Variants in DAB1 observed in about 807,000 individuals in gnomAD.
The protein encoded by DAB1 is DAB adaptor protein 1, also known as disabled homolog 1.
A neutral mutation model predicts 64.6 loss-of-function variants in DAB1; 15 were observed. The ratio of observed to expected loss-of-function variants is 0.23; its 90% confidence interval spans 0.16 to 0.36. The LOEUF (loss-of-function observed/expected upper bound fraction) is 0.36, where lower values mean the gene tolerates loss of function less well. DAB1 is among the 10% of genes least tolerant of loss of function. DAB1 has a pLI of 1.00. For synonymous variants in DAB1, 235 were observed against 251.9 expected, an observed-to-expected ratio of 0.93 and a Z score of 0.64; for missense variants, 596 against 706.7, an observed-to-expected ratio of 0.84 and a Z score of 1.78.
intron 3 of DAB1, among the ~76,000 whole-genome samples, chr1:58,467,691 A>T (rs1645310045): frequency 6.6e-6 from 1 of 152,202 alleles, no homozygotes; most frequent in African/African-American, 2.4e-5. Context: ...GCCAATTTCA[A>T]ATTATTTTAT....
intron 7 of DAB1, among the ~76,000 whole-genome samples, chr1:57,441,985 G>A (rs1010247597): frequency 3.3e-5 from 5 of 152,146 alleles, no homozygotes; most frequent in African/African-American, 1.2e-4. Flanking sequence ...TCTGACTGGT[G>A]TGAGATGGTA....
At chr1:57,675,144 C>G (rs1646551206) in intron 6 of DAB1, among the ~76,000 whole-genome samples, 1 of 152,136 alleles carries the variant, frequency 6.6e-6, no homozygotes, top group South Asian at 2.1e-4. Context: ...GTCTCTGTTC[C>G]CTAACACTGG....
At chr1:58,085,554 G>C (rs1427430171) in intron 5 of DAB1, among the ~76,000 whole-genome samples, 1 of 151,866 alleles carries the variant, frequency 6.6e-6, no homozygotes, top group African/African-American at 2.4e-5. Context: ...TTTGCATAGA[G>C]ACATAGCCTC....
At chr1:57,346,758 G>T (rs1678141159) in intron 1 of DAB1, among the ~76,000 whole-genome samples, 1 of 152,162 alleles carries the variant, frequency 6.6e-6, no homozygotes, top group Non-Finnish European at 1.5e-5. Flanking sequence ...CAGTGTACAT[G>T]AACTGACCAA....
At chr1:58,067,565 C>CA (rs1231692245) in intron 5 of DAB1, among the ~76,000 whole-genome samples, 1 of 151,816 alleles carries the variant, frequency 6.6e-6, no homozygotes, top group Non-Finnish European at 1.5e-5. Flanking sequence ...AGGACCATTT[C>CA]AAAAAAAGTA....
rs530324090 is a variant in DAB1, at chr1:58,319,442, T to C, written n.309+23910A>G. ...TAATTATTGTTGTGACTCATGTAATTAATAGACAGAAAAGTGACAGGGACA... is the reference window on the plus strand; with the variant it reads ...TAATTATTGTTGTGACTCATGTAATCAATAGACAGAAAAGTGACAGGGACA... On this transcript the variant is annotated intron_variant and non_coding_transcript_variant, in intron 4 of 20. Transcript: ENST00000485760. Among the ~76,000 whole-genome samples, 10 of 152,250 alleles carry C rather than the reference T, an allele frequency of 6.6e-5. No homozygotes were observed. In the South Asian group the frequency reaches 1.7e-3, roughly 25 times the overall value.
intron 4 of DAB1, among the ~76,000 whole-genome samples, chr1:58,322,408 C>A (rs760292162): frequency 1.3e-5 from 2 of 152,106 alleles, no homozygotes; most frequent in Non-Finnish European, 2.9e-5. Flanking sequence ...AAACAAAAAA[C>A]CCCATCAAAA....
chr1:57,698,028 G>A (rs753241822), intron 6 of DAB1, among the ~76,000 whole-genome samples: 5 of 151,490 alleles, frequency 3.3e-5, no homozygotes, highest in Non-Finnish European at 7.4e-5. Context: ...TATTTTGACT[G>A]CATAGACAGG....
Position 58,066,747 on chromosome 1 carries a change from A to C in DAB1, n.387+83764T>G, listed in dbSNP as rs561253260. Among the ~76,000 whole-genome samples, 39 of 152,206 alleles carry C rather than the reference A, an allele frequency of 2.6e-4. 1 individual carries two copies. The highest frequency in any genetic ancestry group is 3.9e-4 in the Admixed American group (6 of 15,282). On this transcript the variant is annotated intron_variant and non_coding_transcript_variant, in intron 5 of 20. Coordinates refer to the DAB1 transcript ENST00000485760. Reference sequence around the variant, plus strand: ...AATCCCTGGCTGTATTAATAGAGGCAGAGTCCAGCTCCAGGTGCAAGAGTC... The same window carrying C: ...AATCCCTGGCTGTATTAATAGAGGCCGAGTCCAGCTCCAGGTGCAAGAGTC...
At chr1:58,533,875 A>G (rs188625753) in intron 1 of DAB1, 41 of 795,196 alleles carry the variant, frequency 5.2e-5, no homozygotes, top group Non-Finnish European at 8.1e-5. Flanking sequence ...ACCTGAAAAA[A>G]ATCAGTTCTT....
At chr1:57,251,367 T>G (rs978154765) in intron 2 of DAB1, among the ~76,000 whole-genome samples, 1 of 152,342 alleles carries the variant, frequency 6.6e-6, no homozygotes, top group Non-Finnish European at 1.5e-5. Context: ...TTAGAACTTA[T>G]TGAAATGCTA....
chr1:57,177,607 A>G lies in DAB1; in HGVS notation c.68-32178T>C, dbSNP rs185324960. 2.6e-5 allele frequency among the ~76,000 whole-genome samples: 4 copies of G among 152,276 alleles called. No homozygotes were observed. The East Asian group carries it at 7.7e-4, about 29-fold the overall frequency. Reference sequence around the variant, plus strand: ...AGAACTCTAAAGCGCATGGCCATGGAAAAGGACACTAGTAATAAGTTACGG... The same window carrying G: ...AGAACTCTAAAGCGCATGGCCATGGGAAAGGACACTAGTAATAAGTTACGG... On this transcript the variant is annotated intron_variant, in intron 2 of 14. Transcript: ENST00000371236.
intron 9 of DAB1, among the ~76,000 whole-genome samples, chr1:57,046,547 G>C (rs1036622703): frequency 2.6e-5 from 4 of 152,172 alleles, no homozygotes; most frequent in African/African-American, 9.7e-5. Flanking sequence ...TGTACTAAGA[G>C]AGAATGAGTG....
At chr1:58,322,730 C>T (rs940137219) in intron 4 of DAB1, among the ~76,000 whole-genome samples, 1 of 152,110 alleles carries the variant, frequency 6.6e-6, no homozygotes, top group African/African-American at 2.4e-5. Context: ...CCCAGTGATC[C>T]CATTACTGGG....
intron 3 of DAB1, chr1:58,481,079 T>C (rs1645473628): frequency 8.0e-6 from 7 of 872,016 alleles, no homozygotes; most frequent in Admixed American, 5.1e-5. Context: ...CTTTCTCTGA[T>C]TCTTCAAGAA....
chr1:58,316,472 C>T (rs1662560675), intron 4 of DAB1, among the ~76,000 whole-genome samples: 2 of 152,066 alleles, frequency 1.3e-5, no homozygotes, highest in Non-Finnish European at 2.9e-5. Flanking sequence ...GTGCTGGGGA[C>T]ACATAGTGAA....
chr1:58,204,138 T>G (rs1241263864), intron 4 of DAB1, among the ~76,000 whole-genome samples: 2 of 152,132 alleles, frequency 1.3e-5, no homozygotes. Context: ...CACACCTATA[T>G]GAACACACAA....
At chr1:58,324,772 C>T (rs72669805) in intron 4 of DAB1, among the ~76,000 whole-genome samples, 5,425 of 152,246 alleles carry the variant, frequency 0.036, 124 homozygotes, top group Middle Eastern at 0.061. Context: ...TGCCTGTGCA[C>T]GCTGGGGCCT....
chr1:57,069,644 G>C (rs948064330), intron 7 of DAB1, among the ~76,000 whole-genome samples: 1 of 152,218 alleles, frequency 6.6e-6, no homozygotes, highest in Non-Finnish European at 1.5e-5. Context: ...CAGTATTTCA[G>C]CAGTGATTGC....
Sources: gnomAD v4.1 joint callset for allele counts (sites outside exome capture counted in the v4.1 genomes callset) on GRCh38, gnomAD v4.1.1 for gene constraint, MANE v1.5 for transcripts, NCBI Gene and HGNC (gene_info 2026-07-23, HGNC 2026-07-21) for gene names.